Variants in MTA3 observed in about 807,000 individuals in gnomAD.
MTA3 encodes the protein metastasis-associated protein MTA3.
Under a neutral mutation model 83.5 loss-of-function variants are expected in MTA3, and 34 were observed. That is an observed-to-expected ratio of 0.41 (90% CI 0.31 to 0.54). MTA3 has a LOEUF of 0.54. MTA3 is among the 20% of genes least tolerant of loss of function. The pLI is 0.33. For missense variants in MTA3, 761 were observed against 726.4 expected, an observed-to-expected ratio of 1.05 and a Z score of -0.55; for synonymous variants, 303 against 252.7, an observed-to-expected ratio of 1.20 and a Z score of -1.89.
chr2:42,569,587 T>G (rs1678240138), intron 1 of MTA3: 1 of 152,168 alleles, frequency 6.6e-6, no homozygotes, highest in East Asian at 1.9e-4. Flanking sequence ...GGGAATGGCC[T>G]GGCTAAATGA....
chr2:42,502,109 C>T (rs566630365), intron 2 of MTA3, among the ~76,000 whole-genome samples: 1 of 150,550 alleles, frequency 6.6e-6, no homozygotes, highest in Non-Finnish European at 1.5e-5. Context: ...GGAGGCCATA[C>T]ATTGGTTTGA....
chr2:42,696,788 G>T (rs1693425049), intron 10 of MTA3, among the ~76,000 whole-genome samples: 1 of 152,032 alleles, frequency 6.6e-6, no homozygotes, highest in African/African-American at 2.4e-5. Context: ...GAATTGCTGA[G>T]GTCACAAATA....
chr2:42,692,964 A>G (rs886174019), intron 9 of MTA3, among the ~76,000 whole-genome samples: 1 of 152,206 alleles, frequency 6.6e-6, no homozygotes, highest in Non-Finnish European at 1.5e-5. Flanking sequence ...CAAGCCCAAT[A>G]TCACTGTGGT....
At chr2:42,591,077 G>A (rs191245253) in intron 3 of MTA3, among the ~76,000 whole-genome samples, 2 of 150,352 alleles carry the variant, frequency 1.3e-5, no homozygotes, top group East Asian at 3.9e-4. Flanking sequence ...TTTTGTCTTT[G>A]TGTGGACATC....
At chr2:42,742,089 T>TG (rs1371808468) in intron 16 of MTA3, among the ~76,000 whole-genome samples, 1 of 152,066 alleles carries the variant, frequency 6.6e-6, no homozygotes, top group Non-Finnish European at 1.5e-5. Flanking sequence ...AGCAATATAG[T>TG]GGGGTATTTT....
At chr2:42,532,129 C>T (rs888599007) in intron 2 of MTA3, among the ~76,000 whole-genome samples, 7 of 152,182 alleles carry the variant, frequency 4.6e-5, no homozygotes, top group Admixed American at 6.5e-5. Flanking sequence ...CAATAGATAA[C>T]GTTCCACTTA....
intron 2 of MTA3, among the ~76,000 whole-genome samples, chr2:42,500,126 C>T (rs545983232): frequency 4.6e-5 from 7 of 151,806 alleles, no homozygotes; most frequent in Admixed American, 6.6e-5. Flanking sequence ...AAAATTTGGC[C>T]GGTGGCTCAC....
chr2:42,670,276 T>A (rs1054055253), intron 8 of MTA3, among the ~76,000 whole-genome samples: 5 of 150,636 alleles, frequency 3.3e-5, no homozygotes, highest in African/African-American at 1.2e-4. Flanking sequence ...AAAAAAAAAA[T>A]CTTAAAACTT....
At chr2:42,515,293 A>G (rs1246258120) in intron 2 of MTA3, among the ~76,000 whole-genome samples, 1 of 151,780 alleles carries the variant, frequency 6.6e-6, no homozygotes, top group Non-Finnish European at 1.5e-5. Flanking sequence ...TCCTGACATC[A>G]GGTGATCTGC....
intron 2 of MTA3, chr2:42,532,760 A>G (rs1180450865): frequency 7.5e-6 from 2 of 267,384 alleles, no homozygotes; most frequent in Non-Finnish European, 1.5e-5. Context: ...TTAAACACCT[A>G]TTATGCATGA....
intron 11 of MTA3, among the ~76,000 whole-genome samples, chr2:42,698,945 A>G (rs1027988068): frequency 7.9e-5 from 12 of 152,210 alleles, no homozygotes; most frequent in Non-Finnish European, 1.3e-4. Flanking sequence ...TAAAAGAGCC[A>G]CTTCTCAAAT....
chr2:42,550,566 C>T (rs1444502558), intron 2 of MTA3, among the ~76,000 whole-genome samples: 3 of 152,118 alleles, frequency 2.0e-5, no homozygotes, highest in Non-Finnish European at 2.9e-5. Flanking sequence ...GGAAAGCTCA[C>T]GTCCTGCTCA....
chr2:42,708,851 T>C (rs778647322), intron 13 of MTA3, 23 bp from the exon 14 acceptor site: 7 of 1,612,906 alleles, frequency 4.3e-6, no homozygotes, highest in Middle Eastern at 3.3e-4. Flanking sequence ...TCCTTGAGTG[T>C]TTGTTGTTTT....
intron 8 of MTA3, among the ~76,000 whole-genome samples, chr2:42,663,576 C>T (rs944467417): frequency 9.9e-5 from 15 of 152,076 alleles, no homozygotes; most frequent in African/African-American, 3.6e-4. Flanking sequence ...GCCTAGGCAA[C>T]ATAACAAGAC....
intron 3 of MTA3, among the ~76,000 whole-genome samples, chr2:42,586,343 T>C (rs367581767): frequency 6.7e-6 from 1 of 148,266 alleles, no homozygotes; most frequent in South Asian, 2.2e-4. Context: ...CAAGCACTTT[T>C]GGAGGCCAAG....
intron 4 of MTA3, among the ~76,000 whole-genome samples, chr2:42,625,442 C>A (rs1685979320): frequency 1.3e-5 from 2 of 151,288 alleles, no homozygotes; most frequent in Admixed American, 1.3e-4. Context: ...TTTTGCCAAT[C>A]ATGTTTTAAA....
chr2:42,541,946 T>C (rs1369211690), intron 2 of MTA3, among the ~76,000 whole-genome samples: 1 of 152,136 alleles, frequency 6.6e-6, no homozygotes, highest in Non-Finnish European at 1.5e-5. Context: ...ACTGAACCCA[T>C]GGGCCCAAAA....
chr2:42,611,182 G>A (rs1055313284), intron 4 of MTA3, among the ~76,000 whole-genome samples: 3 of 151,342 alleles, frequency 2.0e-5, no homozygotes, highest in Non-Finnish European at 4.4e-5. Flanking sequence ...ACAGGGTTTC[G>A]CCATGTTGGC....
At position 42,588,603 on chromosome 2, in the gene MTA3, T is replaced by A. The variant is rs1332158962; in HGVS notation, c.190+9403T>A. 3.3e-5 allele frequency among the ~76,000 whole-genome samples: 5 copies of A among 152,180 alleles called. No homozygotes were observed. The South Asian group carries it at 6.2e-4, about 19-fold the overall frequency. On this transcript the variant is annotated intron_variant, in intron 3 of 16. Transcript: ENST00000405094. ...TTTTTAACAAGTCATTAGGGCCCTT[T>A]GCATTCTCATTTTCTGAGAAGCAAA...
Sources: gnomAD v4.1 joint callset for allele counts (sites outside exome capture counted in the v4.1 genomes callset) on GRCh38, gnomAD v4.1.1 for gene constraint, MANE v1.5 for transcripts, NCBI Gene and HGNC (gene_info 2026-07-23, HGNC 2026-07-21) for gene names.